The following CHI3L2 variants were observed in gnomAD, a reference collection of about 807,000 sequenced individuals.
CHI3L2 encodes chitinase-3-like protein 2.
In CHI3L2, 47 loss-of-function variants were observed where a neutral mutation model predicts 47.3. The ratio of observed to expected loss-of-function variants is 0.99; its 90% CI spans 0.79 to 1.27. The LOEUF (loss-of-function observed/expected upper bound fraction) is 1.27. Ranked by LOEUF, CHI3L2 falls within the 50% of genes most tolerant of loss-of-function variation. The probability of loss-of-function intolerance (pLI) is 0.00; values close to 1 mark genes in which losing one functional copy is unlikely to be tolerated. For synonymous variants in CHI3L2, 198 were observed against 169.9 expected, an observed-to-expected ratio of 1.17 and a Z score of -1.28; for missense variants, 497 against 462.1, an observed-to-expected ratio of 1.08 and a Z score of -0.69.
chr1:111,229,725 C>CTGGG (rs1337271810), intron 1 of CHI3L2, 127 bp from the exon 2 acceptor site: 28 of 1,142,846 alleles, frequency 2.5e-5, no homozygotes, highest in Non-Finnish European at 3.0e-5. Context: ...GCAGCTGTGG[C>CTGGG]TGGGGAGCCC....
intron 4 of CHI3L2, among the ~76,000 whole-genome samples, chr1:111,234,174 C>T (rs1360119241): frequency 6.8e-6 from 1 of 146,278 alleles, no homozygotes; most frequent in Non-Finnish European, 1.5e-5. Context: ...CGAGAAACAC[C>T]CAAGAATGAT....
intron 10 of CHI3L2, 81 bp downstream of exon 10, chr1:111,242,447 C>T: frequency 1.4e-6 from 2 of 1,415,128 alleles, no homozygotes; most frequent in East Asian, 2.4e-5. Flanking sequence ...ATCATCTTCA[C>T]ATATTTGGAC....
intron 5 of CHI3L2, among the ~76,000 whole-genome samples, chr1:111,235,366 GC>G: frequency 6.6e-6 from 1 of 152,282 alleles, no homozygotes; most frequent in African/African-American, 2.4e-5. Context: ...TACTGAGGTG[GC>G]CTCACAGAAG....
chr1:111,235,501 C>A, intron 5 of CHI3L2, 138 bp from the exon 6 acceptor site: 1 of 985,560 alleles, frequency 1.0e-6, no homozygotes, highest in South Asian at 1.6e-5. Context: ...CACAAGGCAT[C>A]CCCATGTGGG....
At chr1:111,232,850 C>T (rs1290966750) in intron 4 of CHI3L2, among the ~76,000 whole-genome samples, 1 of 152,184 alleles carries the variant, frequency 6.6e-6, no homozygotes, top group African/African-American at 2.4e-5. Flanking sequence ...TCATTGTAAG[C>T]ACTTTCAAAT....
rs777707742 is a variant in CHI3L2, at chr1:111,242,208, C to G, written c.1036-19C>G. 6.8e-6 allele frequency: 11 copies of G among 1,614,004 alleles called. No homozygotes were observed. Among genetic ancestry groups the G allele is most frequent in the Non-Finnish European group, 9.3e-6 (11 of 1,179,916 alleles). On this transcript the variant is annotated intron_variant, in intron 9 of 10. Coordinates refer to ENST00000369748, the MANE Select transcript of CHI3L2 (RefSeq NM_004000.3). ...GGCCACCCTTCGAATCTCTGTGTAT[C>G]CTTCTGTGTCTCCCATAGGTTCAGT...
At chr1:111,227,801 T>G (rs755467) in intron 1 of CHI3L2, 32 bp downstream of exon 1, 1,146,384 of 1,606,608 alleles carry the variant, frequency 0.71, 410,160 homozygotes, top group South Asian at 0.75. Flanking sequence ...CAGCAGGAAA[T>G]TTGGTGAGGA....
At position 111,237,434 on chromosome 1, in the gene CHI3L2, A is replaced by G. The variant is rs1659917382; in HGVS notation, c.735+1281A>G. ...GGCTGTTTCATATATATGGATGTAT[A>G]TTCCTAAAATTTTGGGAGAAAAAAT... On this transcript the variant is annotated intron_variant, in intron 7 of 10. Coordinates refer to ENST00000369748, the MANE Select transcript of CHI3L2 (RefSeq NM_004000.3). 2.0e-5 allele frequency among the ~76,000 whole-genome samples: 3 copies of G among 152,320 alleles called. No homozygotes were observed. In the South Asian group the frequency reaches 6.2e-4, roughly 32 times the overall value.
chr1:111,235,493 C>G (rs1414563508), intron 5 of CHI3L2, 146 bp from the exon 6 acceptor site: 2 of 917,418 alleles, frequency 2.2e-6, no homozygotes, highest in African/African-American at 3.3e-5. Context: ...GATACAGGCA[C>G]AAGGCATCCC....
At chr1:111,234,519 T>G (rs1475029910) in intron 4 of CHI3L2, among the ~76,000 whole-genome samples, 3 of 151,730 alleles carry the variant, frequency 2.0e-5, no homozygotes, top group Non-Finnish European at 4.4e-5. Context: ...GGTCTGGGGG[T>G]TTCTGGCTAA....
At chr1:111,239,651 A>T (rs746333847) in intron 8 of CHI3L2, among the ~76,000 whole-genome samples, 37 of 152,202 alleles carry the variant, frequency 2.4e-4, no homozygotes, top group Non-Finnish European at 5.0e-4. Context: ...GAGTGGTCAA[A>T]TGTGTCAAAT....
intron 7 of CHI3L2, among the ~76,000 whole-genome samples, chr1:111,236,524 A>G (rs1325283): frequency 6.6e-6 from 1 of 152,014 alleles, no homozygotes; most frequent in Non-Finnish European, 1.5e-5. Flanking sequence ...ATCTTTAAAA[A>G]AACCCCATGA....
chr1:111,234,718 G>A (rs1237733250), intron 4 of CHI3L2, among the ~76,000 whole-genome samples, 189 bp from the exon 5 acceptor site: 1 of 152,184 alleles, frequency 6.6e-6, no homozygotes, highest in East Asian at 1.9e-4. Flanking sequence ...CCTTTACCTG[G>A]CTGGATCAAT....
intron 7 of CHI3L2, among the ~76,000 whole-genome samples, chr1:111,237,424 A>G (rs527970585): frequency 1.3e-5 from 2 of 152,326 alleles, no homozygotes; most frequent in South Asian, 2.1e-4. Flanking sequence ...TTTCATATAT[A>G]TGGATGTATA....
intron 1 of CHI3L2, 77 bp from the exon 2 acceptor site, chr1:111,229,775 C>T: frequency 6.3e-7 from 1 of 1,594,010 alleles, no homozygotes; most frequent in Non-Finnish European, 8.6e-7. Context: ...AGCACACCCA[C>T]ATTTTCACTG....
intron 4 of CHI3L2, chr1:111,231,540 G>T (rs930414279): frequency 1.6e-5 from 6 of 385,558 alleles, no homozygotes; most frequent in African/African-American, 8.3e-5. Flanking sequence ...AGTGGGCCAT[G>T]AACAATATTC....
rs1383899675 is a variant in CHI3L2 at position 111,236,088 on chromosome 1, A to G, written c.670A>G (p.Thr224Ala). 2.5e-6 allele frequency: 4 copies of G among 1,614,106 alleles called. No individual in the cohort carries two copies. The highest frequency in any genetic ancestry group is 3.4e-6 in the Non-Finnish European group (4 of 1,180,010). Residue 224 changes from threonine (T) to alanine (A), a missense_variant, in exon 7 of 11, where the codon ACT (threonine) becomes GCT (alanine). Coordinates refer to ENST00000369748, the MANE Select transcript of CHI3L2 (RefSeq NM_004000.3). ...FHGSWEKPLITGHNSPLSKGW... is the reference protein window; with the variant it reads ...FHGSWEKPLIAGHNSPLSKGW... The stretch of plus-strand genomic sequence containing the variant: ...TGGGTCTTGGGAAAAGCCCCTTATC[A>G]CTGGCCACAACAGCCCTCTGAGCAA...
intron 1 of CHI3L2, chr1:111,229,589 G>A: frequency 1.8e-5 from 6 of 338,222 alleles, no homozygotes; most frequent in Non-Finnish European, 2.7e-5. Flanking sequence ...GGCTGAGGCA[G>A]GAGAATGGCG....
At chr1:111,239,140 G>A (rs1372242573) in intron 8 of CHI3L2, among the ~76,000 whole-genome samples, 4 of 152,198 alleles carry the variant, frequency 2.6e-5, no homozygotes, top group African/African-American at 9.7e-5. Flanking sequence ...GGACTCTGAA[G>A]AGGAGATGGA....
Sources: gnomAD v4.1 joint callset for allele counts (sites outside exome capture counted in the v4.1 genomes callset) on GRCh38, gnomAD v4.1.1 for gene constraint, MANE v1.5 for transcripts, NCBI Gene and HGNC (gene_info 2026-07-23, HGNC 2026-07-21) for gene names.